The following GRAMD2A variants were observed in gnomAD, a reference collection of about 807,000 sequenced individuals.
GRAMD2A encodes the protein GRAM domain containing 2A, also known as GRAM domain-containing protein 2A.
Under a neutral mutation model 51.1 loss-of-function variants are expected in GRAMD2A, and 37 were observed. The observed-to-expected ratio is 0.72, with a 90% confidence interval of 0.56 to 0.95. GRAMD2A has a LOEUF of 0.95. GRAMD2A is among the 40% of genes least tolerant of loss of function. The pLI, the probability that GRAMD2A is intolerant of heterozygous loss-of-function variation, is 0.00. For synonymous variants in GRAMD2A, 136 were observed against 157.1 expected (o/e 0.87, Z 1.01); for missense variants, 414 against 426.9 (o/e 0.97, Z 0.27).
chr15:72,164,936 C>T (rs564215105), intron 8 of GRAMD2A, among the ~76,000 whole-genome samples: 7 of 152,264 alleles, frequency 4.6e-5, no homozygotes, highest in Admixed American at 3.3e-4. Context: ...GCCATGAATT[C>T]GAGATCAGCT....
At chr15:72,181,656 A>G (rs368564429) in intron 1 of GRAMD2A, among the ~76,000 whole-genome samples, 5 of 152,374 alleles carry the variant, frequency 3.3e-5, no homozygotes, top group African/African-American at 1.2e-4. Flanking sequence ...GAAGGTGTCA[A>G]GTATGACTCC....
intron 1 of GRAMD2A, among the ~76,000 whole-genome samples, chr15:72,172,960 C>T (rs1371108700): frequency 1.3e-5 from 2 of 152,086 alleles, no homozygotes; most frequent in East Asian, 1.9e-4. Context: ...GCCATTACAG[C>T]GTGGGCCTGG....
At chr15:72,196,865 G>A (rs1387847613) in intron 1 of GRAMD2A, among the ~76,000 whole-genome samples, 2 of 152,166 alleles carry the variant, frequency 1.3e-5, no homozygotes, top group African/African-American at 4.8e-5. Flanking sequence ...ATCCCTGTGT[G>A]TCTCGGGCTG....
At chr15:72,163,527 T>C (rs779524453) in intron 9 of GRAMD2A, 51 bp from the exon 10 acceptor site, 1 of 1,601,278 alleles carries the variant, frequency 6.2e-7, no homozygotes, top group South Asian at 1.1e-5. Flanking sequence ...CCCTGCTGGC[T>C]GTGGTGAGCC....
chr15:72,173,170 G>T (rs1016302766), intron 1 of GRAMD2A, among the ~76,000 whole-genome samples: 2 of 152,210 alleles, frequency 1.3e-5, no homozygotes, highest in African/African-American at 4.8e-5. Flanking sequence ...AGGATGCACA[G>T]ATCCCTGGGA....
At position 72,170,944 on chromosome 15, in the gene GRAMD2A, CAG is replaced by C. The variant is rs2081604332; in HGVS notation, c.42-1007_42-1006del. Reference sequence around the variant, plus strand: ...CAGCCAAAGTTCTCTTCTTCAAGAACAGAGTTTTCGCCTCAGCCCAAGATCTG... The same window carrying C: ...CAGCCAAAGTTCTCTTCTTCAAGAACAGTTTTCGCCTCAGCCCAAGATCTG... On this transcript the variant is annotated intron_variant, in intron 1 of 11. Coordinates refer to ENST00000309731, the MANE Select transcript of GRAMD2A (RefSeq NM_001012642.3). The surrounding 1 kb of genome is among the most constrained non-coding windows in gnomAD (Gnocchi z 4.5). Among the ~76,000 whole-genome samples the C allele has an allele frequency of 6.6e-6, 1 of 152,232 alleles. No homozygotes were observed. Among genetic ancestry groups the C allele is most frequent in the African/African-American group, 2.4e-5 (1 of 41,466 alleles).
rs2081552560 is a variant in GRAMD2A at position 72,166,955 on chromosome 15, CG to C, written c.471+38del. On this transcript the variant is annotated intron_variant, in intron 6 of 11. Transcript: ENST00000309731. The surrounding 1 kb of genome is among the most constrained non-coding windows in gnomAD (Gnocchi z 4.1). ...GACTGTGGGCTGTCAGGGCTGGGAG[CG>C]GGAGACTGACAAGGGAGCATGGGCC... The C allele has an allele frequency of 6.7e-7, 1 of 1,502,336 alleles. No individual in the cohort carries two copies. The highest frequency in any genetic ancestry group is 9.3e-7 in the Non-Finnish European group (1 of 1,078,586). 93.1% of individuals were successfully genotyped at this position (1,502,336 alleles called of 1,614,324 possible). A position where few individuals can be genotyped will look rare whatever the true frequency, so the allele number is the denominator to read the frequency against.
In GRAMD2A at chr15:72,163,433, C is replaced by T; in HGVS notation, c.789G>A (p.Trp263Ter). The change falls in exon 10 of 12, where the codon TGG (tryptophan) becomes TGA (stop). Residue 263 changes from tryptophan to a stop codon, truncating the protein, a stop_gained. Transcript: ENST00000309731. LOFTEE classifies it high-confidence loss of function. ...AQVASENGGRWAWPMPGWGPA... is the reference protein window; with the variant it reads ...AQVASENGGR The stretch of plus-strand genomic sequence containing the variant: ...GACCCCAGCCTGGCATGGGCCATGC[C>T]CACCTCCCACCATTTTCTGAAGCTA... 6.2e-7 allele frequency: 1 copy of T among 1,614,164 alleles called. No homozygotes were observed.
rs556623054 is a variant in GRAMD2A, at chr15:72,196,858, C to T, written c.41+873G>A. Among the ~76,000 whole-genome samples the T allele has an allele frequency of 5.9e-5, 9 of 152,292 alleles. No homozygotes were observed. In the East Asian group the frequency reaches 1.7e-3, roughly 29 times the overall value. On this transcript the variant is annotated intron_variant, in intron 1 of 11. Coordinates refer to ENST00000309731, the MANE Select transcript of GRAMD2A (RefSeq NM_001012642.3). Reference sequence around the variant, plus strand: ...AGGGAGTCCCGCTGGGGTCCACATCCCTGTGTGTCTCGGGCTGATTTGGAC... The same window carrying T: ...AGGGAGTCCCGCTGGGGTCCACATCTCTGTGTGTCTCGGGCTGATTTGGAC...
At chr15:72,195,732 C>T (rs1391972599) in intron 1 of GRAMD2A, among the ~76,000 whole-genome samples, 1 of 152,096 alleles carries the variant, frequency 6.6e-6, no homozygotes, top group Admixed American at 6.5e-5. Context: ...CCAGCCTGAC[C>T]AACATGGAGA....
chr15:72,170,582 T>G lies in GRAMD2A; in HGVS notation c.42-643A>C, dbSNP rs145951622. Among the ~76,000 whole-genome samples the G allele has an allele frequency of 7.2e-3, 1,102 of 152,182 alleles. 14 individuals are homozygous for G. The highest frequency in any genetic ancestry group is 9.3e-3 in the Admixed American group (142 of 15,298). On this transcript the variant is annotated intron_variant, in intron 1 of 11. Transcript: ENST00000309731. The surrounding 1 kb of genome is among the most constrained non-coding windows in gnomAD (Gnocchi z 4.5). ...TCAAAAATGTCCCTGAGGGAGAGCG[T>G]AGGAGGGAACAGATCCTCTCTCCCT...
chr15:72,189,150 G>A (rs149938973), intron 1 of GRAMD2A, among the ~76,000 whole-genome samples: 14 of 152,254 alleles, frequency 9.2e-5, no homozygotes, highest in African/African-American at 3.1e-4. Flanking sequence ...GAGAAGGCAG[G>A]AAAAAGAATT....
intron 10 of GRAMD2A, chr15:72,162,947 C>T: frequency 6.5e-6 from 2 of 308,564 alleles, no homozygotes; most frequent in South Asian, 1.3e-4. Context: ...CGAGGCCAAG[C>T]TTTTCCTCTC....
rs747622578 is a variant in GRAMD2A at position 72,169,882 on chromosome 15, CT to C, written c.98del (p.Glu33GlyfsTer20). ...ASLNSPVSCK[E>X]KPDRVEEPPD... ...GGGGCTCCTCAACTCTGTCTGGTTTCTCTTTGCAGGACACAGGACTGTTCAG... is the reference window on the plus strand; with the variant it reads ...GGGGCTCCTCAACTCTGTCTGGTTTCCTTTGCAGGACACAGGACTGTTCAG... On this transcript the variant is annotated frameshift_variant, in exon 2 of 12. Coordinates refer to ENST00000309731, the MANE Select transcript of GRAMD2A (RefSeq NM_001012642.3). LOFTEE classifies it high-confidence loss of function. The C allele has an allele frequency of 6.2e-6, 10 of 1,614,202 alleles. No homozygotes were observed. In the South Asian group the frequency reaches 1.1e-4, roughly 18 times the overall value.
intron 1 of GRAMD2A, among the ~76,000 whole-genome samples, chr15:72,175,202 C>G (rs1199414865): frequency 6.6e-6 from 1 of 152,154 alleles, no homozygotes; most frequent in African/African-American, 2.4e-5. Context: ...AAAACCATCT[C>G]TTTTCTCATT....
chr15:72,196,839 T>C (rs1422549932), intron 1 of GRAMD2A, among the ~76,000 whole-genome samples: 1 of 151,744 alleles, frequency 6.6e-6, no homozygotes, highest in East Asian at 1.9e-4. Context: ...GCAGAGGGAG[T>C]CCCGCTGGGG....
chr15:72,188,025 A>G (rs368615351), intron 1 of GRAMD2A, among the ~76,000 whole-genome samples: 7 of 152,184 alleles, frequency 4.6e-5, no homozygotes, highest in East Asian at 1.9e-4. Context: ...ATAATTGAGC[A>G]CAAATTACAA....
At chr15:72,178,576 T>C (rs977220503) in intron 1 of GRAMD2A, among the ~76,000 whole-genome samples, 1 of 135,552 alleles carries the variant, frequency 7.4e-6, no homozygotes, top group East Asian at 2.1e-4. Context: ...TTCTTTTTTT[T>C]TTTTTTTTTT....
intron 1 of GRAMD2A, 111 bp downstream of exon 1, chr15:72,197,620 G>T: frequency 1.1e-6 from 1 of 886,220 alleles, no homozygotes; most frequent in Non-Finnish European, 1.5e-6. Flanking sequence ...CCCGTGGGCA[G>T]AACGCGCCGA....
Sources: gnomAD v4.1 joint callset for allele counts (sites outside exome capture counted in the v4.1 genomes callset) on GRCh38, gnomAD v4.1.1 for gene constraint, Gnocchi (gnomAD v3.1) non-coding constraint, MANE v1.5 for transcripts, NCBI Gene and HGNC (gene_info 2026-07-23, HGNC 2026-07-21) for gene names.